Variants in SEL1L3 observed in about 807,000 individuals in gnomAD.
The protein encoded by SEL1L3 is protein sel-1 homolog 3.
In SEL1L3, 76 loss-of-function variants were observed where a neutral mutation model predicts 142.8. The observed-to-expected ratio is 0.53, with a 90% CI of 0.44 to 0.64. The LOEUF (loss-of-function observed/expected upper bound fraction) is 0.64. Among genes scored for constraint, SEL1L3 ranks in the 30% least tolerant of loss-of-function variants. The pLI is 0.00. For synonymous variants in SEL1L3, 504 were observed against 519.6 expected, an observed-to-expected ratio of 0.97 and a Z score of 0.41; for missense variants, 1,262 against 1,381.7, an observed-to-expected ratio of 0.91 and a Z score of 1.37.
chr4:25,818,097 T>C (rs1714508380), intron 9 of SEL1L3, 41 bp downstream of exon 9: 1 of 1,596,838 alleles, frequency 6.3e-7, no homozygotes, highest in African/African-American at 1.3e-5. Flanking sequence ...ACAAGGAGCC[T>C]TTCTAACCAG....
At chr4:25,847,232 G>T in intron 2 of SEL1L3, 62 bp downstream of exon 2, 2 of 1,372,704 alleles carry the variant, frequency 1.5e-6, no homozygotes, top group South Asian at 2.8e-5. Context: ...CTTGCCATTC[G>T]ATCATGATAC....
chr4:25,757,230 T>C (rs184605362), intron 23 of SEL1L3, among the ~76,000 whole-genome samples: 20 of 151,996 alleles, frequency 1.3e-4, no homozygotes, highest in Admixed American at 3.9e-4. Flanking sequence ...ATCACACCAC[T>C]GCACTCCAGC....
At chr4:25,830,497 T>C (rs1285580098) in intron 5 of SEL1L3, among the ~76,000 whole-genome samples, 1 of 151,990 alleles carries the variant, frequency 6.6e-6, no homozygotes, top group Admixed American at 6.6e-5. Flanking sequence ...CTACAAGGAG[T>C]GTTTAAAATC....
At position 25,765,346 on chromosome 4, in the gene SEL1L3, C is replaced by A; in HGVS notation, c.2935G>T (p.Ala979Ser). The change falls in exon 20 of 24, where the codon GCC becomes TCC. Residue 979 changes from alanine (A) to serine (S), a missense_variant. This residue lies in a region of SEL1L3 where 435 missense variants were observed against 559.2 expected (regional missense o/e 0.78). Transcript: ENST00000399878. ...ELSVQMYAQA[A>S]LDGDSQGFFN... The stretch of plus-strand genomic sequence containing the variant: ...TTTACCTGGGAGTCTCCATCCAGGG[C>A]GGCTTGGGCGTACATCTGCACAGAC... 1.9e-6 allele frequency: 3 copies of A among 1,613,098 alleles called. No individual in the cohort carries two copies. Among genetic ancestry groups the A allele is most frequent in the Non-Finnish European group, 2.5e-6 (3 of 1,179,182 alleles).
chr4:25,755,891 T>C (rs1366729887), intron 23 of SEL1L3: 1 of 985,002 alleles, frequency 1.0e-6, no homozygotes, highest in Non-Finnish European at 1.2e-6. Context: ...ACTGACAAGA[T>C]GCAAAATAAA....
chr4:25,772,065 G>A (rs192237693), intron 17 of SEL1L3, among the ~76,000 whole-genome samples: 103 of 152,308 alleles, frequency 6.8e-4, no homozygotes, highest in African/African-American at 2.4e-3. Context: ...CTGGGACATC[G>A]ATGGATGATT....
At chr4:25,721,653 G>A in the SEL1L3 span, among the ~76,000 whole-genome samples, 1 of 152,162 alleles carries the variant, frequency 6.6e-6, no homozygotes, top group Non-Finnish European at 1.5e-5. Context: ...GTACATAACT[G>A]TTTCATGGAG....
chr4:25,745,219 A>T (rs1278293589), downstream of SEL1L3, among the ~76,000 whole-genome samples: 1 of 152,084 alleles, frequency 6.6e-6, no homozygotes, highest in Non-Finnish European at 1.5e-5. Context: ...ACATGGCGAA[A>T]ACCCACCTTT....
chr4:25,799,678 G>T (rs1713041805), intron 11 of SEL1L3, among the ~76,000 whole-genome samples: 1 of 152,260 alleles, frequency 6.6e-6, no homozygotes, highest in Non-Finnish European at 1.5e-5. Context: ...GGATGATGGA[G>T]GATCCAAGAT....
intron 11 of SEL1L3, among the ~76,000 whole-genome samples, chr4:25,795,060 T>TGGGGGGGGGGGGGGGG (rs199884490): frequency 4.7e-5 from 2 of 42,474 alleles, no homozygotes; most frequent in African/African-American, 1.4e-4. Context: ...TCTTGGGGGG[T>TGGGGGGGGGGGGGGGG]GGGGGGGAGG....
At chr4:25,806,322 C>A (rs897851017) in intron 9 of SEL1L3, among the ~76,000 whole-genome samples, 1 of 151,822 alleles carries the variant, frequency 6.6e-6, no homozygotes, top group Admixed American at 6.6e-5. Context: ...CAGGCTTGAG[C>A]CACCGCGCCC....
chr4:25,732,758 G>A, the SEL1L3 span, among the ~76,000 whole-genome samples: 1 of 151,996 alleles, frequency 6.6e-6, no homozygotes, highest in Non-Finnish European at 1.5e-5. Context: ...TGGGGAGTCG[G>A]ACAGAGTCTT....
intron 12 of SEL1L3, among the ~76,000 whole-genome samples, chr4:25,789,892 A>G (rs1712172756): frequency 6.6e-6 from 1 of 152,216 alleles, no homozygotes; most frequent in African/African-American, 2.4e-5. Flanking sequence ...GTACCTCTTA[A>G]AAGTCCATCC....
At chr4:25,733,101 G>A in the SEL1L3 span, among the ~76,000 whole-genome samples, 1 of 151,576 alleles carries the variant, frequency 6.6e-6, no homozygotes, top group African/African-American at 2.4e-5. Flanking sequence ...GCTATTCTAG[G>A]TCCCTTGTAT....
At chr4:25,785,628 T>C (rs1030827260) in intron 13 of SEL1L3, among the ~76,000 whole-genome samples, 1 of 152,082 alleles carries the variant, frequency 6.6e-6, no homozygotes, top group African/African-American at 2.4e-5. Flanking sequence ...AAGTGGAAGA[T>C]GAAAATATTT....
At chr4:25,740,928 G>A in the SEL1L3 span, among the ~76,000 whole-genome samples, 1 of 149,046 alleles carries the variant, frequency 6.7e-6, no homozygotes, top group Admixed American at 6.8e-5. Context: ...GAAATTACAG[G>A]TGCCCCCCAC....
the SEL1L3 span, among the ~76,000 whole-genome samples, chr4:25,738,465 T>C: frequency 6.6e-6 from 1 of 152,128 alleles, no homozygotes; most frequent in African/African-American, 2.4e-5. Context: ...CCTTCAAAAA[T>C]TGCTTTCATA....
chr4:25,831,732 C>T (rs925710415), intron 5 of SEL1L3, among the ~76,000 whole-genome samples: 1 of 151,892 alleles, frequency 6.6e-6, no homozygotes, highest in Middle Eastern at 3.2e-3. Flanking sequence ...ACCATGTTGG[C>T]CAGGCTGGTC....
chr4:25,750,997 T>G (rs1717556263), intron 23 of SEL1L3, among the ~76,000 whole-genome samples: 1 of 152,144 alleles, frequency 6.6e-6, no homozygotes, highest in South Asian at 2.1e-4. Flanking sequence ...AGACATAAAG[T>G]TGACATGATA....
Sources: gnomAD v4.1 joint callset for allele counts (sites outside exome capture counted in the v4.1 genomes callset) on GRCh38, gnomAD v4.1.1 for gene constraint, gnomAD v4.1.1 regional missense constraint, MANE v1.5 for transcripts, NCBI Gene and HGNC (gene_info 2026-07-23, HGNC 2026-07-21) for gene names.